The following SLC12A6 variants were observed in gnomAD, a reference collection of about 807,000 sequenced individuals.
The protein encoded by SLC12A6 is solute carrier family 12 member 6, also known as K-Cl cotransporter 3.
A neutral mutation model predicts 135.3 loss-of-function variants in SLC12A6; 66 were observed. That is an observed-to-expected ratio of 0.49 (90% CI 0.40 to 0.60). SLC12A6 has a LOEUF of 0.60. Among genes scored for constraint, SLC12A6 ranks in the 20% least tolerant of loss-of-function variants. The pLI is 0.00. For missense variants in SLC12A6, 1,058 were observed against 1,452.3 expected, an observed-to-expected ratio of 0.73 and a Z score of 4.41; for synonymous variants, 513 against 508.8, an observed-to-expected ratio of 1.01 and a Z score of -0.11.
chr15:34,235,306 G>T lies in SLC12A6; in HGVS notation c.3236C>A (p.Ser1079Tyr). ...TGCTGTATGCATCCGCCTCACATTG[G>T]ACTGGTCCCTGAGTGGGGAAGAAAT... ...QDLLNMRPDQSNVRRMHTAVK... is the reference protein window; with the variant it reads ...QDLLNMRPDQYNVRRMHTAVK... The change falls in exon 25 of 26, where the codon TCC becomes TAC. Residue 1079 changes from serine to tyrosine, a missense_variant. Physicochemically the swap from Ser to Tyr is moderately radical, Grantham distance 144. Transcript: ENST00000354181. The T allele has an allele frequency of 6.2e-7, 1 of 1,612,962 alleles. No homozygotes were observed. Among genetic ancestry groups the T allele is most frequent in the Non-Finnish European group, 8.5e-7 (1 of 1,178,964 alleles).
rs372023111 is a variant in SLC12A6 at position 34,289,061 on chromosome 15, C to T, written c.272-13672G>A. ...TGAGAGAGGGCATCCTTGTCTTGTCCCGGTTTTCAAAGGGAATGCTTCCAG... is the reference window on the plus strand; with the variant it reads ...TGAGAGAGGGCATCCTTGTCTTGTCTCGGTTTTCAAAGGGAATGCTTCCAG... On this transcript the variant is annotated intron_variant, in intron 2 of 25. Coordinates refer to ENST00000354181, the MANE Select transcript of SLC12A6 (RefSeq NM_001365088.1). Among the ~76,000 whole-genome samples the T allele has an allele frequency of 5.9e-5, 9 of 152,228 alleles. No homozygotes were observed. The South Asian group carries it at 8.3e-4, about 14-fold the overall frequency.
chr15:34,325,530 T>C (rs907458076), intron 2 of SLC12A6, among the ~76,000 whole-genome samples: 1 of 152,160 alleles, frequency 6.6e-6, no homozygotes, highest in South Asian at 2.1e-4. Flanking sequence ...AAACTAAAAA[T>C]AGAAGAATTA....
chr15:34,251,861 G>A (rs774151550), intron 10 of SLC12A6, among the ~76,000 whole-genome samples: 1 of 152,170 alleles, frequency 6.6e-6, no homozygotes, highest in Non-Finnish European at 1.5e-5. Context: ...GTCAGTGCAG[G>A]AAGAACATTG....
chr15:34,292,774 T>C (rs1318681101), intron 2 of SLC12A6, among the ~76,000 whole-genome samples: 1 of 152,210 alleles, frequency 6.6e-6, no homozygotes, highest in African/African-American at 2.4e-5. Flanking sequence ...CTCAGACTGC[T>C]GTGCTAGCAG....
intron 2 of SLC12A6, among the ~76,000 whole-genome samples, chr15:34,332,009 A>T (rs768693063): frequency 2.6e-5 from 4 of 152,028 alleles, no homozygotes; most frequent in Non-Finnish European, 5.9e-5. Flanking sequence ...CTCCAACAAC[A>T]TTCAACCGTC....
At chr15:34,242,466 T>C (rs1261569914) in intron 16 of SLC12A6, among the ~76,000 whole-genome samples, 1 of 152,204 alleles carries the variant, frequency 6.6e-6, no homozygotes, top group Non-Finnish European at 1.5e-5. Flanking sequence ...TCTATAGTTG[T>C]CTTATCATGA....
At chr15:34,321,364 A>C (rs1046121440) in intron 2 of SLC12A6, among the ~76,000 whole-genome samples, 1 of 152,244 alleles carries the variant, frequency 6.6e-6, no homozygotes, top group Non-Finnish European at 1.5e-5. Flanking sequence ...GAGGTGTGTG[A>C]TGTGCATGGA....
At chr15:34,250,770 A>C in intron 11 of SLC12A6, 41 bp from the exon 12 acceptor site, 1 of 1,382,044 alleles carries the variant, frequency 7.2e-7, no homozygotes. Flanking sequence ...AACTTCTTGG[A>C]CACTTTGATA....
At chr15:34,295,479 A>G (rs1595519927) in intron 2 of SLC12A6, among the ~76,000 whole-genome samples, 1 of 152,236 alleles carries the variant, frequency 6.6e-6, no homozygotes, top group East Asian at 1.9e-4. Context: ...AAAAAGAGTC[A>G]TGGCGACAAA....
rs764272139 is a variant in SLC12A6 at position 34,245,810 on chromosome 15, T to G, written c.1707A>C (p.Pro569=). Residue 569 remains proline (P), a synonymous_variant, in exon 14 of 26, where the codon CCA becomes CCC. Coordinates refer to ENST00000354181, the MANE Select transcript of SLC12A6 (RefSeq NM_001365088.1). ...AGAAGGAGCCAATAACAATCACCCA[T>G]GGGGATGGCCAAGATAAGGTGCCTA... The part of the protein sequence containing the change: ...LVVGTLSWPS[P]WVIVIGSFFS... The G allele has an allele frequency of 3.1e-6, 5 of 1,613,688 alleles. No homozygotes were observed. The South Asian group carries it at 5.5e-5, about 18-fold the overall frequency.
Position 34,240,686 on chromosome 15 carries a change from T to C in SLC12A6, c.2411A>G (p.Tyr804Cys), listed in dbSNP as rs1409307657. 6.2e-7 allele frequency: 1 copy of C among 1,613,944 alleles called. No homozygotes were observed. The highest frequency in any genetic ancestry group is 1.1e-5 in the South Asian group (1 of 91,086). ...CTGCTCAGCAGCTAAAGCTTCACCG[T>C]AGTTCTCTAGGAAGTTCCCCACGAT... Reference protein sequence around the residue: ...SVIVGNFLENYGEALAAEQTI... With the variant: ...SVIVGNFLENCGEALAAEQTI... Residue 804 changes from tyrosine (Y) to cysteine (C), a missense_variant, in exon 19 of 26, where the codon TAC (tyrosine) becomes TGC (cysteine). By Grantham distance (194) the Tyr-to-Cys change is radical. Around this residue, in one of 6 missense-constraint regions of SLC12A6, gnomAD observed 31 missense variants for 24.3 expected, o/e 1.28. Transcript: ENST00000354181.
chr15:34,246,341 G>GA (rs142323016), intron 13 of SLC12A6, among the ~76,000 whole-genome samples: 2 of 151,794 alleles, frequency 1.3e-5, no homozygotes, highest in African/African-American at 4.8e-5. Context: ...CCTATATTAG[G>GA]AAAAAAATAC....
At chr15:34,264,433 C>A (rs1893358009) in intron 3 of SLC12A6, among the ~76,000 whole-genome samples, 1 of 152,146 alleles carries the variant, frequency 6.6e-6, no homozygotes, top group Non-Finnish European at 1.5e-5. Flanking sequence ...ATATGTTAAA[C>A]ATTAGAAGGA....
At chr15:34,306,297 G>A (rs1214559716) in intron 2 of SLC12A6, among the ~76,000 whole-genome samples, 2 of 152,210 alleles carry the variant, frequency 1.3e-5, no homozygotes, top group Non-Finnish European at 2.9e-5. Context: ...CCCTTGTGGA[G>A]GCCCAGGAGG....
intron 2 of SLC12A6, among the ~76,000 whole-genome samples, chr15:34,308,123 A>G (rs545058778): frequency 5.3e-5 from 8 of 152,102 alleles, no homozygotes; most frequent in Non-Finnish European, 1.0e-4. Context: ...TATCTTACCT[A>G]CCTTCAGTGA....
chr15:34,259,119 C>T (rs184296541), intron 4 of SLC12A6, among the ~76,000 whole-genome samples, 175 bp from the exon 5 acceptor site: 286 of 152,316 alleles, frequency 1.9e-3, no homozygotes, highest in African/African-American at 6.6e-3. Context: ...GTGGCTGGAT[C>T]ACCTGAGGCT....
intron 2 of SLC12A6, 30 bp downstream of exon 2, chr15:34,336,380 A>C: frequency 6.3e-7 from 1 of 1,578,602 alleles, no homozygotes; most frequent in Non-Finnish European, 8.7e-7. Context: ...CCAGTAATGA[A>C]AGTATGCTGC....
chr15:34,262,110 C>G (rs746869023), intron 3 of SLC12A6, among the ~76,000 whole-genome samples: 1 of 152,218 alleles, frequency 6.6e-6, no homozygotes, highest in Non-Finnish European at 1.5e-5. Flanking sequence ...TAAAGCCTAG[C>G]TACAAGTCCT....
chr15:34,336,116 T>C (rs879593926), intron 2 of SLC12A6, among the ~76,000 whole-genome samples: 2 of 152,160 alleles, frequency 1.3e-5, no homozygotes, highest in East Asian at 1.9e-4. Context: ...TTCTTTGATA[T>C]TCACTTTTAA....
Sources: allele counts gnomAD v4.1 joint callset (sites outside exome capture counted in the v4.1 genomes callset), GRCh38; gene constraint gnomAD v4.1.1; regional missense constraint gnomAD v4.1.1; transcripts MANE v1.5; gene names NCBI Gene and HGNC (gene_info 2026-07-23, HGNC 2026-07-21).